Variants in HDAC9 observed in about 807,000 individuals in gnomAD.
HDAC9 encodes histone deacetylase 9.
A neutral mutation model predicts 139.4 loss-of-function variants in HDAC9; 41 were observed. The ratio of observed to expected loss-of-function variants is 0.29; its 90% CI spans 0.23 to 0.38. HDAC9 has a LOEUF of 0.38. Ranked by LOEUF, HDAC9 falls within the 10% of genes least tolerant of loss-of-function variation. The pLI is 1.00. For synonymous variants in HDAC9, 517 were observed against 476.2 expected, an observed-to-expected ratio of 1.09 and a Z score of -1.12; for missense variants, 1,147 against 1,297.0, an observed-to-expected ratio of 0.88 and a Z score of 1.78.
chr7:18,859,848 A>ATGTGTGTGTGTGTGTGTGTG (rs1241299800), intron 21 of HDAC9, among the ~76,000 whole-genome samples: 41 of 122,296 alleles, frequency 3.4e-4, no homozygotes, highest in Non-Finnish European at 5.5e-4. Flanking sequence ...ATATATATAT[A>ATGTGTGTGTGTGTGTGTGTG]TATATATATA....
At chr7:18,117,914 C>G (rs944537216) in intron 1 of HDAC9, among the ~76,000 whole-genome samples, 1 of 152,150 alleles carries the variant, frequency 6.6e-6, no homozygotes, top group Non-Finnish European at 1.5e-5. Context: ...ACTCTTTCTC[C>G]TGTAGTTCCA....
At chr7:18,561,069 C>CA (rs1441414272) in intron 2 of HDAC9, among the ~76,000 whole-genome samples, 4 of 152,076 alleles carry the variant, frequency 2.6e-5, no homozygotes, top group South Asian at 2.1e-4. Context: ...GAAACAACAA[C>CA]AAAAAAATGA....
chr7:18,610,783 A>T (rs1460465198), intron 6 of HDAC9, among the ~76,000 whole-genome samples: 1 of 150,882 alleles, frequency 6.6e-6, no homozygotes, highest in Non-Finnish European at 1.5e-5. Flanking sequence ...CCAATCCTCT[A>T]TGTTTTCTGC....
chr7:18,196,987 G>C (rs1227103096), intron 2 of HDAC9, among the ~76,000 whole-genome samples: 2 of 152,214 alleles, frequency 1.3e-5, no homozygotes, highest in Non-Finnish European at 2.9e-5. Context: ...AGTAGACTGA[G>C]TAGAGCAGAT....
At chr7:18,679,515 C>CCTTT (rs201430029) in intron 12 of HDAC9, among the ~76,000 whole-genome samples, 11 of 149,020 alleles carry the variant, frequency 7.4e-5, no homozygotes, top group Non-Finnish European at 1.5e-4. Flanking sequence ...TCTTTTCTTT[C>CCTTT]CTTTCTTTCT....
intron 16 of HDAC9, among the ~76,000 whole-genome samples, chr7:18,782,495 A>G (rs906168581): frequency 2.6e-5 from 4 of 152,000 alleles, no homozygotes; most frequent in African/African-American, 9.7e-5. Context: ...TCAGATTCCA[A>G]TGATTGAGCT....
At chr7:18,967,591 G>T (rs1366429077) in intron 24 of HDAC9, among the ~76,000 whole-genome samples, 1 of 149,934 alleles carries the variant, frequency 6.7e-6, no homozygotes, top group Non-Finnish European at 1.5e-5. Flanking sequence ...AAATCATTTG[G>T]TTTTGCATTG....
chr7:18,753,695 G>C (rs1056790898), intron 14 of HDAC9, among the ~76,000 whole-genome samples: 1 of 152,048 alleles, frequency 6.6e-6, no homozygotes, highest in Non-Finnish European at 1.5e-5. Flanking sequence ...TAGCAATGTC[G>C]CAAATTAATC....
rs1324189915 is a variant in HDAC9 at position 18,999,791 on chromosome 7, T to C, written c.*3729T>C. ...ATGTTTAGAAGAATTAATTTAAATA[T>C]TTCTTACTATTTCTCTGTCGAATGT... On this transcript the variant is annotated 3_prime_UTR_variant, in exon 26 of 26. Transcript: ENST00000686413. The C allele has an allele frequency of 2.6e-5, 4 of 152,202 alleles. No homozygotes were observed. The highest frequency in any genetic ancestry group is 4.4e-5 in the Non-Finnish European group (3 of 68,022). 9.4% of individuals were successfully genotyped at this position (152,202 alleles called of 1,614,324 possible).
chr7:18,714,812 CAGA>C lies in HDAC9; in HGVS notation c.1732-12761_1732-12759del, dbSNP rs549874408. Among the ~76,000 whole-genome samples the C allele has an allele frequency of 5.3e-5, 8 of 152,250 alleles. No individual in the cohort carries two copies. In the East Asian group the frequency reaches 1.2e-3, roughly 22 times the overall value. ...TGTCTCCCTCACCAGATTGTAAATTCAGAAGAAGAGTGACTGGATCTGTTGAGT... is the reference window on the plus strand; with the variant it reads ...TGTCTCCCTCACCAGATTGTAAATTCAGAAGAGTGACTGGATCTGTTGAGT... On this transcript the variant is annotated intron_variant, in intron 12 of 25. Coordinates refer to ENST00000686413, the MANE Select transcript of HDAC9 (RefSeq NM_178425.4).
chr7:18,739,019 A>G (rs375339057), intron 13 of HDAC9, among the ~76,000 whole-genome samples: 7 of 152,220 alleles, frequency 4.6e-5, no homozygotes, highest in East Asian at 1.9e-4. Flanking sequence ...TTGATCTTCA[A>G]TCACTGATTC....
At chr7:18,470,512 ACAGAC>A (rs964321626) in intron 1 of HDAC9, among the ~76,000 whole-genome samples, 2 of 152,168 alleles carry the variant, frequency 1.3e-5, no homozygotes, top group African/African-American at 4.8e-5. Context: ...ATCTTTCACT[ACAGAC>A]ATTAGACAGC....
chr7:18,174,235 C>T (rs1253614839), intron 2 of HDAC9, among the ~76,000 whole-genome samples: 4 of 152,130 alleles, frequency 2.6e-5, no homozygotes, highest in African/African-American at 9.7e-5. Flanking sequence ...TCCACTTGAT[C>T]GAATCGGCTA....
chr7:18,181,947 C>T (rs1218226629), intron 2 of HDAC9, among the ~76,000 whole-genome samples: 2 of 152,146 alleles, frequency 1.3e-5, no homozygotes, highest in Admixed American at 6.5e-5. Context: ...TCACATCTGG[C>T]TCAAGGGAAA....
intron 1 of HDAC9, among the ~76,000 whole-genome samples, chr7:18,476,562 G>A (rs933178858): frequency 1.3e-5 from 2 of 151,740 alleles, no homozygotes; most frequent in East Asian, 3.9e-4. Flanking sequence ...AACCCAACAT[G>A]ACGTAAGTTT....
At chr7:18,848,327 C>G (rs1357666529) in intron 21 of HDAC9, among the ~76,000 whole-genome samples, 1 of 152,092 alleles carries the variant, frequency 6.6e-6, no homozygotes, top group Non-Finnish European at 1.5e-5. Flanking sequence ...CTGTTATTGT[C>G]TAAATGTTTG....
intron 11 of HDAC9, among the ~76,000 whole-genome samples, chr7:18,665,805 A>G (rs758405822): frequency 5.3e-5 from 8 of 152,130 alleles, no homozygotes; most frequent in Non-Finnish European, 7.4e-5. Flanking sequence ...GAAAAATGAT[A>G]TTGACAACAT....
chr7:18,783,327 T>C (rs1791413791), intron 16 of HDAC9, among the ~76,000 whole-genome samples: 1 of 152,150 alleles, frequency 6.6e-6, no homozygotes, highest in Non-Finnish European at 1.5e-5. Flanking sequence ...TTAATGCTTC[T>C]CAAATTATTA....
intron 1 of HDAC9, among the ~76,000 whole-genome samples, chr7:18,438,639 T>TGTGC (rs1262030850): frequency 1.4e-3 from 77 of 55,610 alleles, no homozygotes; most frequent in African/African-American, 5.2e-3. Flanking sequence ...TGATATGCTG[T>TGTGC]GTGTGCGTGT....
Sources: allele counts gnomAD v4.1 joint callset (sites outside exome capture counted in the v4.1 genomes callset), GRCh38; gene constraint gnomAD v4.1.1; transcripts MANE v1.5; gene names NCBI Gene and HGNC (gene_info 2026-07-23, HGNC 2026-07-21).